The following HRH1 variants were observed in gnomAD, a reference collection of about 807,000 sequenced individuals.
HRH1 encodes histamine H1 receptor.
A neutral mutation model predicts 10.3 loss-of-function variants in HRH1; 6 were observed. The ratio of observed to expected loss-of-function variants is 0.58; its 90% CI spans 0.32 to 1.15. HRH1 has a LOEUF of 1.15. Ranked by LOEUF, HRH1 falls within the 50% of genes most tolerant of loss-of-function variation. The probability of loss-of-function intolerance (pLI) is 0.05; values close to 1 mark genes in which losing one functional copy is unlikely to be tolerated. For synonymous variants in HRH1, 242 were observed against 236.7 expected (o/e 1.02, Z -0.21); for missense variants, 514 against 615.3 (o/e 0.84, Z 1.74).
chr3:11,157,491 C>T (rs912158260), intron 1 of HRH1, among the ~76,000 whole-genome samples: 2 of 152,158 alleles, frequency 1.3e-5, no homozygotes, highest in Non-Finnish European at 2.9e-5. Context: ...ATTTCTGAAT[C>T]TCGGGATGTA....
intron 1 of HRH1, among the ~76,000 whole-genome samples, chr3:11,195,229 C>T (rs538366519): frequency 2.6e-5 from 4 of 152,204 alleles, no homozygotes; most frequent in Non-Finnish European, 5.9e-5. Context: ...AGCAAAACAT[C>T]GTCAAAAGTG....
chr3:11,245,670 A>G (rs1057135243), intron 1 of HRH1, among the ~76,000 whole-genome samples: 4 of 152,050 alleles, frequency 2.6e-5, no homozygotes, highest in Non-Finnish European at 5.9e-5. Context: ...GCCCCTCCCC[A>G]CCTAATGGTT....
At chr3:11,150,020 C>T (rs976685431), upstream of HRH1, among the ~76,000 whole-genome samples, 13 of 152,252 alleles carry the variant, frequency 8.5e-5, no homozygotes, top group African/African-American at 2.9e-4. Context: ...CCTCCCCACA[C>T]ATCCTTGCCA....
intron 1 of HRH1, among the ~76,000 whole-genome samples, chr3:11,164,423 C>T (rs1161573428): frequency 1.3e-5 from 2 of 152,182 alleles, no homozygotes; most frequent in African/African-American, 2.4e-5. Flanking sequence ...GCTTCCATGA[C>T]ACTGTGCACT....
At chr3:11,244,605 T>C (rs1055328781) in intron 1 of HRH1, among the ~76,000 whole-genome samples, 10 of 152,246 alleles carry the variant, frequency 6.6e-5, no homozygotes, top group African/African-American at 2.4e-4. Flanking sequence ...AAAACCAACG[T>C]TGCTGAGCTT....
intron 1 of HRH1, among the ~76,000 whole-genome samples, chr3:11,180,999 ACG>A (rs1937341887): frequency 6.7e-6 from 1 of 148,866 alleles, no homozygotes; most frequent in Non-Finnish European, 1.5e-5. Context: ...ACACACACAC[ACG>A]GCCAGGCGCA....
intron 1 of HRH1, among the ~76,000 whole-genome samples, chr3:11,198,723 T>G: frequency 1.4e-5 from 2 of 138,176 alleles, no homozygotes; most frequent in South Asian, 2.3e-4. Flanking sequence ...AGTGACAGAG[T>G]GAGACCCTAT....
intron 1 of HRH1, among the ~76,000 whole-genome samples, chr3:11,157,822 A>G (rs760731391): frequency 9.2e-5 from 14 of 152,256 alleles, no homozygotes; most frequent in Non-Finnish European, 1.9e-4. Context: ...AATGAGCAGA[A>G]GAGGTTGAGG....
At chr3:11,157,697 G>T (rs1430805224) in intron 1 of HRH1, among the ~76,000 whole-genome samples, 1 of 152,222 alleles carries the variant, frequency 6.6e-6, no homozygotes, top group Non-Finnish European at 1.5e-5. Context: ...GATCACATGG[G>T]CCAGGATCGA....
At chr3:11,247,026 T>TA (rs1575040660) in intron 1 of HRH1, among the ~76,000 whole-genome samples, 2 of 152,154 alleles carry the variant, frequency 1.3e-5, no homozygotes, top group African/African-American at 4.8e-5. Context: ...ACATAATTTT[T>TA]AAAAAATGTT....
chr3:11,149,700 A>T (rs1459478918), upstream of HRH1, among the ~76,000 whole-genome samples: 2 of 152,284 alleles, frequency 1.3e-5, no homozygotes, highest in Non-Finnish European at 1.5e-5. Flanking sequence ...AACTTTCAGC[A>T]GTCTCACAGG....
intron 1 of HRH1, among the ~76,000 whole-genome samples, chr3:11,181,281 C>T (rs1166781491): frequency 6.6e-6 from 1 of 151,982 alleles, no homozygotes; most frequent in African/African-American, 2.4e-5. Context: ...GAGACCCTGT[C>T]TCCAAAAAAT....
intron 1 of HRH1, among the ~76,000 whole-genome samples, chr3:11,257,346 A>G (rs1366518792): frequency 1.3e-5 from 2 of 151,870 alleles, no homozygotes; most frequent in African/African-American, 4.8e-5. Flanking sequence ...ACCTGAGGTC[A>G]GGAGTTCAAG....
intron 1 of HRH1, among the ~76,000 whole-genome samples, chr3:11,185,052 A>AT (rs1416112435): frequency 2.8e-5 from 4 of 144,998 alleles, no homozygotes; most frequent in Non-Finnish European, 6.1e-5. Context: ...AAAAAAAAAA[A>AT]CCCTGCCAGT....
intron 1 of HRH1, among the ~76,000 whole-genome samples, chr3:11,198,736 GAA>G (rs59389294): frequency 5.6e-5 from 7 of 124,722 alleles, no homozygotes; most frequent in Non-Finnish European, 6.9e-5. Flanking sequence ...GACCCTATCT[GAA>G]AAAAAAAAAA....
intron 1 of HRH1, among the ~76,000 whole-genome samples, chr3:11,147,750 G>T (rs1399976027): frequency 2.0e-5 from 3 of 152,190 alleles, no homozygotes; most frequent in African/African-American, 7.2e-5. Flanking sequence ...TTTTACAGAT[G>T]GAGAAATTGA....
At chr3:11,216,758 T>C (rs1575019632) in intron 1 of HRH1, among the ~76,000 whole-genome samples, 1 of 152,140 alleles carries the variant, frequency 6.6e-6, no homozygotes, top group African/African-American at 2.4e-5. Context: ...CATGTGCCTG[T>C]GATCCCAGCT....
chr3:11,244,046 G>C (rs983743948), intron 1 of HRH1, among the ~76,000 whole-genome samples: 2 of 152,296 alleles, frequency 1.3e-5, no homozygotes, highest in East Asian at 1.9e-4. Context: ...TGAAATAGAC[G>C]TGAGGTCCAG....
intron 1 of HRH1, among the ~76,000 whole-genome samples, chr3:11,170,586 G>A (rs985486222): frequency 6.6e-6 from 1 of 152,224 alleles, no homozygotes; most frequent in Non-Finnish European, 1.5e-5. Flanking sequence ...GGAGACCGAG[G>A]CACGGAGAGG....
Sources: gnomAD v4.1 joint callset for allele counts (sites outside exome capture counted in the v4.1 genomes callset) on GRCh38, gnomAD v4.1.1 for gene constraint, MANE v1.5 for transcripts, NCBI Gene and HGNC (gene_info 2026-07-23, HGNC 2026-07-21) for gene names.